Variants in NRG2 observed in about 807,000 individuals in gnomAD.
NRG2 encodes pro-neuregulin-2, membrane-bound isoform.
A neutral mutation model predicts 73.9 loss-of-function variants in NRG2; 27 were observed. The observed-to-expected ratio is 0.37, with a 90% confidence interval of 0.27 to 0.50. The LOEUF (loss-of-function observed/expected upper bound fraction) is 0.50. NRG2 is among the 20% of genes least tolerant of loss of function. NRG2 has a pLI of 0.96. For synonymous variants in NRG2, 532 were observed against 541.0 expected (o/e 0.98, Z 0.23); for missense variants, 1,126 against 1,210.1 (o/e 0.93, Z 1.03).
At position 139,848,704 on chromosome 5, in the gene NRG2, G is replaced by A; in HGVS notation, c.1773-7C>T. 1 of 1,509,070 alleles carries A rather than the reference G, an allele frequency of 6.6e-7. No homozygotes were observed. The highest frequency in any genetic ancestry group is 1.2e-5 in the South Asian group (1 of 82,138). The allele number at this position is 1,509,070 out of a possible 1,614,324, so 93.5% of individuals were successfully genotyped here. ...GGTCAGGGCCGACACGTACCTGCGG[G>A]GAGAGGCAGAGGCATGGGCCAGGGC... On this transcript the variant is annotated splice_region_variant and splice_polypyrimidine_tract_variant and intron_variant, in intron 9 of 9. Coordinates refer to ENST00000361474, the MANE Select transcript of NRG2 (RefSeq NM_004883.3).
At chr5:140,042,333 T>A in intron 1 of NRG2, 37 bp downstream of exon 1, 57 of 870,984 alleles carry the variant, frequency 6.5e-5, no homozygotes, top group Middle Eastern at 4.7e-4. Flanking sequence ...ACCTCGCCCC[T>A]CCCCCCTTTC....
intron 1 of NRG2, among the ~76,000 whole-genome samples, chr5:140,020,981 C>G (rs949032126): frequency 4.6e-5 from 7 of 152,050 alleles, no homozygotes; most frequent in African/African-American, 1.7e-4. Context: ...GTGGCCTTGC[C>G]CTTTAAGTCC....
chr5:140,034,665 G>T (rs1201733985), intron 1 of NRG2, among the ~76,000 whole-genome samples: 1 of 151,736 alleles, frequency 6.6e-6, no homozygotes, highest in African/African-American at 2.4e-5. Flanking sequence ...GTCAATATAT[G>T]AAACAAAACA....
At chr5:140,035,819 C>T (rs1761460143) in intron 1 of NRG2, among the ~76,000 whole-genome samples, 1 of 152,054 alleles carries the variant, frequency 6.6e-6, no homozygotes, top group Admixed American at 6.5e-5. Flanking sequence ...AGCCAGTGTC[C>T]TCAGCACAGG....
At position 140,043,145 on chromosome 5, in the gene NRG2, C is replaced by G; in HGVS notation, c.-76G>C. On this transcript the variant is annotated 5_prime_UTR_variant, in exon 1 of 10. Transcript: ENST00000361474. This position sits in a 1 kb window ranked among gnomAD's most constrained non-coding sequence, Gnocchi z 6.7. ...AGGGGAAACAGAGCCCGCTGGAAAACCGGAAACAGCGTAACGTTAGCGCCT... is the reference window on the plus strand; with the variant it reads ...AGGGGAAACAGAGCCCGCTGGAAAAGCGGAAACAGCGTAACGTTAGCGCCT... 6.6e-7 allele frequency: 1 copy of G among 1,513,528 alleles called. No homozygotes were observed. The highest frequency in any genetic ancestry group is 8.9e-7 in the Non-Finnish European group (1 of 1,129,520). 93.8% of individuals were successfully genotyped at this position (1,513,528 alleles called of 1,614,324 possible).
intron 1 of NRG2, among the ~76,000 whole-genome samples, chr5:139,982,457 C>T (rs563228760): frequency 2.9e-4 from 44 of 152,290 alleles, no homozygotes; most frequent in African/African-American, 1.1e-3. Flanking sequence ...CAATCTCTGC[C>T]TTTTCTAAAC....
chr5:140,038,095 A>T (rs1485185099), intron 1 of NRG2, among the ~76,000 whole-genome samples: 2 of 152,062 alleles, frequency 1.3e-5, no homozygotes, highest in Non-Finnish European at 2.9e-5. Flanking sequence ...GAGCCATATA[A>T]ATGTGCTACA....
chr5:139,867,782 G>GTA (rs1776317280), intron 4 of NRG2, among the ~76,000 whole-genome samples: 5 of 138,912 alleles, frequency 3.6e-5, no homozygotes, highest in African/African-American at 1.6e-4. Context: ...GTGTGTGTGT[G>GTA]TGTGTGTGTG....
At position 139,851,909 on chromosome 5, in the gene NRG2, C is replaced by T. The variant is rs112439018; in HGVS notation, c.1545-78G>A. 5,636 of 1,242,400 alleles carry T rather than the reference C, an allele frequency of 4.5e-3. 17 individuals carry two copies. The highest frequency in any genetic ancestry group is 5.6e-3 in the Non-Finnish European group (4,832 of 868,494). 77.0% of individuals were successfully genotyped at this position (1,242,400 alleles called of 1,614,324 possible). A position where few individuals can be genotyped will look rare whatever the true frequency, so the allele number is the denominator to read the frequency against. ...CAGCAGGTGTGGTCCCATGGACCTC[C>T]CTGGCTCTTCTTCCACCTCGAGCTC... On this transcript the variant is annotated intron_variant, in intron 8 of 9. Transcript: ENST00000361474. The surrounding 1 kb of genome is among the most constrained non-coding windows in gnomAD (Gnocchi z 4.2).
chr5:140,034,456 T>A (rs1202351464), intron 1 of NRG2, among the ~76,000 whole-genome samples: 1 of 152,184 alleles, frequency 6.6e-6, no homozygotes, highest in Non-Finnish European at 1.5e-5. Context: ...ACCACTTCTA[T>A]TCAACATTGC....
chr5:139,867,022 G>T (rs1312630379), intron 4 of NRG2, among the ~76,000 whole-genome samples: 1 of 152,176 alleles, frequency 6.6e-6, no homozygotes, highest in Non-Finnish European at 1.5e-5. Flanking sequence ...CATCACCAGT[G>T]TCCCCCTCAA....
chr5:139,860,498 T>G (rs145487102), intron 5 of NRG2, among the ~76,000 whole-genome samples: 33 of 151,692 alleles, frequency 2.2e-4, no homozygotes, highest in African/African-American at 7.5e-4. Context: ...TCAGAGTCTG[T>G]GGGAGGGAGT....
rs115276570 is a variant in NRG2 at position 139,895,286 on chromosome 5, G to A, written c.701-7775C>T. ...AGAGATACCTCATCCCCAGAGTCAC[G>A]CAGGTCCACGCCGCAGTGCTCCACC... On this transcript the variant is annotated intron_variant, in intron 1 of 9. Transcript: ENST00000361474. Among the ~76,000 whole-genome samples, 375 of 152,376 alleles carry A rather than the reference G, an allele frequency of 2.5e-3. 1 individual carries two copies. Among genetic ancestry groups the A allele is most frequent in the Non-Finnish European group, 4.1e-3 (278 of 68,038 alleles).
intron 1 of NRG2, among the ~76,000 whole-genome samples, chr5:139,977,199 T>C (rs1326124626): frequency 1.3e-5 from 2 of 152,340 alleles, no homozygotes; most frequent in Non-Finnish European, 1.5e-5. Context: ...TTGGGATATA[T>C]GGAACTCTCT....
At position 140,005,805 on chromosome 5, in the gene NRG2, T is replaced by C. The variant is rs913657433; in HGVS notation, c.700+36565A>G. 2.1e-4 allele frequency among the ~76,000 whole-genome samples: 32 copies of C among 152,306 alleles called. 1 individual carries two copies. Among genetic ancestry groups the C allele is most frequent in the African/African-American group, 7.2e-4 (30 of 41,572 alleles). ...GCTCTTTTGCCAAGAGTGCCTAGAATGCATCCTGGAGCTTGGGGAAATGCA... is the reference window on the plus strand; with the variant it reads ...GCTCTTTTGCCAAGAGTGCCTAGAACGCATCCTGGAGCTTGGGGAAATGCA... On this transcript the variant is annotated intron_variant, in intron 1 of 9. Coordinates refer to ENST00000361474, the MANE Select transcript of NRG2 (RefSeq NM_004883.3).
Position 140,043,230 on chromosome 5 carries a change from A to C in NRG2, c.-161T>G. ...CAGCTAGGGCAGGGGGCAGGCGGCAAGCGGGCCGCGATGCGCAGCGCGGCG... is the reference window on the plus strand; with the variant it reads ...CAGCTAGGGCAGGGGGCAGGCGGCACGCGGGCCGCGATGCGCAGCGCGGCG... On this transcript the variant is annotated 5_prime_UTR_variant, in exon 1 of 10. Transcript: ENST00000361474. This position sits in a 1 kb window ranked among gnomAD's most constrained non-coding sequence, Gnocchi z 6.7. 3 of 723,796 alleles carry C rather than the reference A, an allele frequency of 4.1e-6. No individual in the cohort carries two copies. 44.8% of individuals were successfully genotyped at this position (723,796 alleles called of 1,614,324 possible). A position where few individuals can be genotyped will look rare whatever the true frequency, so the allele number is the denominator to read the frequency against.
chr5:139,871,673 T>C lies in NRG2; in HGVS notation c.1112+48A>G, dbSNP rs1165003799. The C allele has an allele frequency of 1.9e-6, 3 of 1,608,050 alleles. No homozygotes were observed. In the Admixed American group the frequency reaches 5.0e-5, roughly 27 times the overall value. On this transcript the variant is annotated intron_variant, in intron 4 of 9. Transcript: ENST00000361474. ...AGAGCCCTCCACTTCTGACCCAGCA[T>C]CTCCTACCCTGTTCTTGCTCCCATG...
At chr5:139,899,482 G>A (rs1201256334) in intron 1 of NRG2, among the ~76,000 whole-genome samples, 2 of 152,248 alleles carry the variant, frequency 1.3e-5, no homozygotes, top group East Asian at 3.9e-4. Context: ...AGATCTAGCC[G>A]GACTCTAGAC....
At chr5:139,899,807 AG>A in intron 1 of NRG2, among the ~76,000 whole-genome samples, 2 of 152,234 alleles carry the variant, frequency 1.3e-5, no homozygotes, top group Admixed American at 1.3e-4. Context: ...GTTTTTGTTG[AG>A]GGGCATGGAA....
Sources: allele counts gnomAD v4.1 joint callset (sites outside exome capture counted in the v4.1 genomes callset), GRCh38; gene constraint gnomAD v4.1.1; non-coding constraint Gnocchi (gnomAD v3.1); transcripts MANE v1.5; gene names NCBI Gene and HGNC (gene_info 2026-07-23, HGNC 2026-07-21).